Variants in DPH6 observed in about 807,000 individuals in gnomAD.
DPH6 encodes diphthamine biosynthesis 6.
A neutral mutation model predicts 38.2 loss-of-function variants in DPH6; 33 were observed. The ratio of observed to expected loss-of-function variants is 0.86; its 90% confidence interval spans 0.65 to 1.15. DPH6 has a LOEUF of 1.15. Ranked by LOEUF, DPH6 falls within the 50% of genes most tolerant of loss-of-function variation. The probability of loss-of-function intolerance (pLI) is 0.00; values close to 1 mark genes in which losing one functional copy is unlikely to be tolerated. For synonymous variants in DPH6, 108 were observed against 103.0 expected, an observed-to-expected ratio of 1.05 and a Z score of -0.30; for missense variants, 325 against 320.0, an observed-to-expected ratio of 1.02 and a Z score of -0.12.
chr15:35,449,598 A>C (rs929704730), intron 5 of DPH6, among the ~76,000 whole-genome samples: 6 of 152,094 alleles, frequency 3.9e-5, no homozygotes, highest in Non-Finnish European at 8.8e-5. Context: ...GCAAGAGGGA[A>C]TACTCTGTAC....
intron 7 of DPH6, among the ~76,000 whole-genome samples, chr15:35,377,072 A>C (rs905743742): frequency 2.6e-5 from 4 of 152,200 alleles, no homozygotes; most frequent in African/African-American, 9.6e-5. Context: ...TAGGTCTGAA[A>C]ATTTAAATAT....
At chr15:35,341,752 C>G (rs986871891) in intron 3 of DPH6, among the ~76,000 whole-genome samples, 1 of 152,150 alleles carries the variant, frequency 6.6e-6, no homozygotes, top group African/African-American at 2.4e-5. Context: ...AAAGCTCTGT[C>G]CCAGGGGGGT....
intron 3 of DPH6, among the ~76,000 whole-genome samples, chr15:35,492,725 T>C (rs548279128): frequency 3.3e-5 from 5 of 152,164 alleles, no homozygotes; most frequent in Non-Finnish European, 7.4e-5. Flanking sequence ...TTTTTATTCC[T>C]ATTTTGATTT....
intron 3 of DPH6, among the ~76,000 whole-genome samples, chr15:35,523,240 C>CTTTTTTTTTTT (rs35551024): frequency 2.0e-5 from 2 of 100,102 alleles, no homozygotes; most frequent in Non-Finnish European, 4.1e-5. Flanking sequence ...GTTACACATT[C>CTTTTTTTTTTT]TTTTTTTTTT....
At chr15:35,474,120 A>G (rs1223796093) in intron 3 of DPH6, among the ~76,000 whole-genome samples, 1 of 152,180 alleles carries the variant, frequency 6.6e-6, no homozygotes, top group Non-Finnish European at 1.5e-5. Flanking sequence ...TGTGTTGCCC[A>G]TTCAATAAAC....
intron 6 of DPH6, among the ~76,000 whole-genome samples, chr15:35,385,669 C>G (rs1555397309): frequency 1.3e-5 from 2 of 151,848 alleles, no homozygotes; most frequent in Non-Finnish European, 2.9e-5. Context: ...ATGTAGATAA[C>G]AGGTTGATGG....
intron 6 of DPH6, among the ~76,000 whole-genome samples, chr15:35,401,932 A>C (rs1158532271): frequency 1.3e-5 from 2 of 152,200 alleles, no homozygotes; most frequent in Non-Finnish European, 2.9e-5. Flanking sequence ...GTATGGGCAA[A>C]AGACTCAAGG....
chr15:35,312,695 T>C (rs2052153171), intron 3 of DPH6, among the ~76,000 whole-genome samples: 1 of 152,218 alleles, frequency 6.6e-6, no homozygotes, highest in South Asian at 2.1e-4. Flanking sequence ...ATTGAAATTA[T>C]TTGCTAAAAT....
chr15:35,543,065 T>C (rs1595458282), intron 1 of DPH6, among the ~76,000 whole-genome samples: 1 of 141,536 alleles, frequency 7.1e-6, no homozygotes, highest in African/African-American at 2.6e-5. Context: ...ATCTAACAAA[T>C]GGCTACCATC....
intron 1 of DPH6, 47 bp downstream of exon 1, chr15:35,546,072 C>G: frequency 7.5e-7 from 1 of 1,340,152 alleles, no homozygotes; most frequent in Non-Finnish European, 9.7e-7. Context: ...CTGGAAGGGA[C>G]GAGAGCCTGG....
At chr15:35,206,341 A>T in the DPH6 span, among the ~76,000 whole-genome samples, 1 of 152,202 alleles carries the variant, frequency 6.6e-6, no homozygotes. Context: ...AACCTGAATC[A>T]CATCATTATG....
At chr15:35,423,726 G>A (rs1006684596) in intron 5 of DPH6, among the ~76,000 whole-genome samples, 2 of 151,488 alleles carry the variant, frequency 1.3e-5, no homozygotes, top group Non-Finnish European at 3.0e-5. Context: ...GTGAGATAAG[G>A]GTTTTAAATC....
chr15:35,374,671 T>C (rs915683873), intron 7 of DPH6, among the ~76,000 whole-genome samples: 4 of 151,996 alleles, frequency 2.6e-5, no homozygotes, highest in African/African-American at 9.7e-5. Context: ...AAAAATAACA[T>C]TAAAAAGGCT....
At chr15:35,295,045 G>A (rs796910938) in intron 3 of DPH6, among the ~76,000 whole-genome samples, 2 of 152,092 alleles carry the variant, frequency 1.3e-5, no homozygotes, top group Non-Finnish European at 2.9e-5. Context: ...CACCCTGCTC[G>A]CAGGGAGGCT....
the DPH6 span, among the ~76,000 whole-genome samples, chr15:35,210,935 T>A: frequency 1.4e-5 from 2 of 140,098 alleles, no homozygotes; most frequent in African/African-American, 5.4e-5. Flanking sequence ...TCTAAGGACA[T>A]AGATAGATCA....
At chr15:35,440,035 G>T (rs1036518493) in intron 5 of DPH6, among the ~76,000 whole-genome samples, 4 of 152,160 alleles carry the variant, frequency 2.6e-5, no homozygotes, top group Admixed American at 6.5e-5. Context: ...CTGATTAGTT[G>T]TTTTTTAAGT....
chr15:35,187,811 C>T, the DPH6 span, among the ~76,000 whole-genome samples: 1 of 152,056 alleles, frequency 6.6e-6, no homozygotes, highest in African/African-American at 2.4e-5. Flanking sequence ...CATAGAGAGA[C>T]CCTGTTTCTA....
intron 3 of DPH6, among the ~76,000 whole-genome samples, chr15:35,287,143 G>C (rs573779698): frequency 6.6e-6 from 1 of 152,166 alleles, no homozygotes; most frequent in South Asian, 2.1e-4. Context: ...TCAGTAAACA[G>C]GCTTTGTTTA....
At chr15:35,151,284 A>C in the DPH6 span, among the ~76,000 whole-genome samples, 4 of 152,198 alleles carry the variant, frequency 2.6e-5, no homozygotes, top group Non-Finnish European at 5.9e-5. Context: ...CGTGCATTCA[A>C]AACACCTGGG....
Sources: allele counts gnomAD v4.1 joint callset (sites outside exome capture counted in the v4.1 genomes callset), GRCh38; gene constraint gnomAD v4.1.1; transcripts MANE v1.5; gene names NCBI Gene and HGNC (gene_info 2026-07-23, HGNC 2026-07-21).